The following TOM1L2 variants were observed in gnomAD, a reference collection of about 807,000 sequenced individuals.
TOM1L2 encodes the protein target of myb1 like 2 membrane trafficking protein.
Under a neutral mutation model 67.9 loss-of-function variants are expected in TOM1L2, and 31 were observed. That is an observed-to-expected ratio of 0.46 (90% confidence interval 0.34 to 0.62). The LOEUF is 0.62. TOM1L2 is among the 20% of genes least tolerant of loss of function. The pLI, the probability that TOM1L2 is intolerant of heterozygous loss-of-function variation, is 0.01. For synonymous variants in TOM1L2, 256 were observed against 254.0 expected (o/e 1.01, Z -0.07); for missense variants, 606 against 663.5 (o/e 0.91, Z 0.95).
intron 1 of TOM1L2, among the ~76,000 whole-genome samples, chr17:17,931,801 A>C (rs1395113198): frequency 6.6e-6 from 1 of 152,208 alleles, no homozygotes; most frequent in Non-Finnish European, 1.5e-5. Flanking sequence ...TAGCCCCTTG[A>C]GGGTCTCAAC....
intron 10 of TOM1L2, among the ~76,000 whole-genome samples, chr17:17,863,563 CTTTTTTT>C (rs11334951): frequency 7.7e-6 from 1 of 130,568 alleles, no homozygotes; most frequent in South Asian, 2.5e-4. Flanking sequence ...AGACACTAGA[CTTTTTTT>C]TTTTTTTTTT....
intron 1 of TOM1L2, among the ~76,000 whole-genome samples, chr17:17,967,984 T>C (rs2041930202): frequency 6.6e-6 from 1 of 152,164 alleles, no homozygotes; most frequent in South Asian, 2.1e-4. Flanking sequence ...ATGCAAGAAA[T>C]GCACAGTTAA....
intron 2 of TOM1L2, among the ~76,000 whole-genome samples, chr17:17,901,261 T>C (rs2038840770): frequency 6.6e-6 from 1 of 152,084 alleles, no homozygotes; most frequent in Admixed American, 6.5e-5. Flanking sequence ...GCAGATTAGA[T>C]AGTGTGGAGT....
intron 4 of TOM1L2, among the ~76,000 whole-genome samples, chr17:17,888,245 T>C (rs911395862): frequency 5.3e-5 from 8 of 152,214 alleles, no homozygotes; most frequent in African/African-American, 1.9e-4. Flanking sequence ...ATTAGGGGCT[T>C]GGAAGACCCA....
intron 1 of TOM1L2, among the ~76,000 whole-genome samples, chr17:17,911,208 G>C (rs566132892): frequency 3.9e-4 from 59 of 152,298 alleles, no homozygotes; most frequent in South Asian, 6.2e-4. Flanking sequence ...CCAGGCGAGA[G>C]AAAATGCCAT....
intron 1 of TOM1L2, among the ~76,000 whole-genome samples, chr17:17,912,970 G>C (rs1045454871): frequency 6.6e-6 from 1 of 152,244 alleles, no homozygotes; most frequent in Non-Finnish European, 1.5e-5. Context: ...GATCGCTCGC[G>C]GTTAGGAGCT....
chr17:17,876,585 A>G (rs2037434852), intron 7 of TOM1L2, among the ~76,000 whole-genome samples: 1 of 152,230 alleles, frequency 6.6e-6, no homozygotes, highest in Admixed American at 6.5e-5. Flanking sequence ...CTTTCTAACA[A>G]TAGTCACGAA....
In TOM1L2 at chr17:17,958,982, G is replaced by A. The variant is rs982766621; in HGVS notation, c.52+13280C>T. Among the ~76,000 whole-genome samples the A allele has an allele frequency of 2.6e-5, 4 of 152,154 alleles. No individual in the cohort carries two copies. In the East Asian group the frequency reaches 7.7e-4, roughly 29 times the overall value. On this transcript the variant is annotated intron_variant, in intron 1 of 14. Coordinates refer to ENST00000379504, the MANE Select transcript of TOM1L2 (RefSeq NM_001082968.2). ...ATGGGGTTCAAAGAACTTCCAAGTT[G>A]AACACATAAAGGTGCTGGGAGGCTG...
At chr17:17,945,528 A>AGGGTCT (rs2040907966) in intron 1 of TOM1L2, among the ~76,000 whole-genome samples, 1 of 152,078 alleles carries the variant, frequency 6.6e-6, no homozygotes, top group African/African-American at 2.4e-5. Flanking sequence ...GAAAAGATAG[A>AGGGTCT]CCCTCTCTTA....
At chr17:17,871,380 T>G (rs1163836794) in intron 7 of TOM1L2, among the ~76,000 whole-genome samples, 1 of 145,980 alleles carries the variant, frequency 6.9e-6, no homozygotes, top group East Asian at 2.0e-4. Context: ...CAAAAAAAAG[T>G]ATTCAGAGGC....
rs77897450 is a variant in TOM1L2, at chr17:17,862,352, A to G, written c.1202+379T>C. ...AGTCAGGAAAATCTCGCTGTAAGGA[A>G]TGGGTTCACCCTGCATGGCTGCACC... On this transcript the variant is annotated intron_variant, in intron 11 of 14. Coordinates refer to ENST00000379504, the MANE Select transcript of TOM1L2 (RefSeq NM_001082968.2). 1,059 of 164,676 alleles carry G rather than the reference A, an allele frequency of 6.4e-3. 16 individuals are homozygous for G. The highest frequency in any genetic ancestry group is 0.064 in the East Asian group (364 of 5,682). The allele number at this position is 164,676 out of a possible 1,614,324, so 10.2% of individuals were successfully genotyped here.
At chr17:17,849,721 A>G (rs945900595) in intron 13 of TOM1L2, among the ~76,000 whole-genome samples, 1 of 152,172 alleles carries the variant, frequency 6.6e-6, no homozygotes, top group African/African-American at 2.4e-5. Flanking sequence ...TGACTCTACC[A>G]CTGACCTGCT....
chr17:17,948,677 G>T (rs963522522), intron 1 of TOM1L2, among the ~76,000 whole-genome samples: 3 of 151,992 alleles, frequency 2.0e-5, no homozygotes, highest in Non-Finnish European at 4.4e-5. Flanking sequence ...CCCTTTCTTA[G>T]AGTGAAAGCA....
rs577794307 is a variant in TOM1L2, at chr17:17,943,775, C to T, written c.52+28487G>A. ...TTCACTTCAGATAAGGTCTACACTC[C>T]TCAACCTGATCCTCAGGGTGACTAT... On this transcript the variant is annotated intron_variant, in intron 1 of 14. Coordinates refer to ENST00000379504, the MANE Select transcript of TOM1L2 (RefSeq NM_001082968.2). Among the ~76,000 whole-genome samples, 7 of 152,334 alleles carry T rather than the reference C, an allele frequency of 4.6e-5. No homozygotes were observed. The South Asian group carries it at 1.2e-3, about 27-fold the overall frequency.
At chr17:17,900,965 C>T (rs1250945837) in intron 2 of TOM1L2, among the ~76,000 whole-genome samples, 1 of 152,212 alleles carries the variant, frequency 6.6e-6, no homozygotes, top group African/African-American at 2.4e-5. Context: ...TTCCATGGAA[C>T]AGGAAAATAG....
chr17:17,918,259 T>G (rs996533085), intron 1 of TOM1L2, among the ~76,000 whole-genome samples: 3 of 152,136 alleles, frequency 2.0e-5, no homozygotes, highest in South Asian at 2.1e-4. Flanking sequence ...TCTTTTTTTT[T>G]TTGTTTTGTG....
intron 7 of TOM1L2, 64 bp from the exon 8 acceptor site, chr17:17,869,537 T>C (rs1246091810): frequency 1.3e-6 from 2 of 1,521,458 alleles, no homozygotes; most frequent in East Asian, 2.3e-5. Context: ...TCTATCTCCT[T>C]TGAAAAAATT....
In TOM1L2 at chr17:17,845,800, T is replaced by C. The variant is rs1318259890; in HGVS notation, c.*1835A>G. The C allele has an allele frequency of 5.9e-5, 9 of 152,222 alleles. No homozygotes were observed. Among genetic ancestry groups the C allele is most frequent in the African/African-American group, 2.2e-4 (9 of 41,396 alleles). 9.4% of individuals were successfully genotyped at this position (152,222 alleles called of 1,614,324 possible). A position where few individuals can be genotyped will look rare whatever the true frequency, so the allele number is the denominator to read the frequency against. On this transcript the variant is annotated 3_prime_UTR_variant, in exon 15 of 15. Coordinates refer to ENST00000379504, the MANE Select transcript of TOM1L2 (RefSeq NM_001082968.2). ...AGGGGGGTCTGTCTTTGAGAAACAT[T>C]GAGGAGGCAGGGGCTCATCAAGCAT...
chr17:17,881,501 C>T (rs985171682), intron 6 of TOM1L2, among the ~76,000 whole-genome samples: 12 of 152,210 alleles, frequency 7.9e-5, no homozygotes, highest in African/African-American at 2.9e-4. Flanking sequence ...CAACTTCAAA[C>T]ATTTTCTGCC....
Sources: gnomAD v4.1 joint callset for allele counts (sites outside exome capture counted in the v4.1 genomes callset) on GRCh38, gnomAD v4.1.1 for gene constraint, MANE v1.5 for transcripts, NCBI Gene and HGNC (gene_info 2026-07-23, HGNC 2026-07-21) for gene names.